The following AKR1B10 variants were observed in gnomAD, a reference collection of about 807,000 sequenced individuals.
AKR1B10 encodes the protein ARP.
Under a neutral mutation model 38.9 loss-of-function variants are expected in AKR1B10, and 39 were observed. The observed-to-expected ratio is 1.00, with a 90% CI of 0.78 to 1.31. The LOEUF (loss-of-function observed/expected upper bound fraction) is 1.31. Among genes scored for constraint, AKR1B10 ranks in the 50% most tolerant of loss-of-function variants. The pLI, the probability that AKR1B10 is intolerant of heterozygous loss-of-function variation, is 0.00. For synonymous variants in AKR1B10, 148 were observed against 141.2 expected (o/e 1.05, Z -0.34); for missense variants, 361 against 382.6 (o/e 0.94, Z 0.47).
chr7:134,541,388 TAAAA>T lies in AKR1B10; in HGVS notation c.*304_*307del, dbSNP rs565285053. 6.5e-6 allele frequency: 2 copies of T among 309,122 alleles called. No individual in the cohort carries two copies. Among genetic ancestry groups the T allele is most frequent in the African/African-American group, 4.5e-5 (2 of 44,360 alleles). 19.1% of individuals were successfully genotyped at this position (309,122 alleles called of 1,614,324 possible). A position where few individuals can be genotyped will look rare whatever the true frequency, so the allele number is the denominator to read the frequency against. On this transcript the variant is annotated 3_prime_UTR_variant, in exon 10 of 10. Transcript: ENST00000359579. The stretch of plus-strand genomic sequence containing the variant: ...CCAACACTGAGGATGTAAAGATCAA[TAAAA>T]AAAATAATAATCATAACCAACATGT...
intron 4 of AKR1B10, 62 bp downstream of exon 4, chr7:134,533,143 G>C (rs78661337): frequency 1.6e-4 from 212 of 1,320,412 alleles, no homozygotes; most frequent in Non-Finnish European, 2.1e-4. Context: ...CATGAGATTC[G>C]CATGGATATG....
intron 5 of AKR1B10, 119 bp downstream of exon 5, chr7:134,536,891 T>C (rs913737903): frequency 6.3e-7 from 1 of 1,576,278 alleles, no homozygotes; most frequent in African/African-American, 1.3e-5. Flanking sequence ...CAGGACACTT[T>C]GGGGAGGTGT....
At chr7:134,529,482 C>T (rs1201348651) in intron 1 of AKR1B10, among the ~76,000 whole-genome samples, 4 of 152,108 alleles carry the variant, frequency 2.6e-5, no homozygotes, top group South Asian at 2.1e-4. Context: ...GTCTTCAACA[C>T]GTGGGGATGA....
At position 134,540,164 on chromosome 7, in the gene AKR1B10, G is replaced by A. The variant is rs1808111469; in HGVS notation, c.909-883G>A. 2.0e-5 allele frequency among the ~76,000 whole-genome samples: 3 copies of A among 152,006 alleles called. No individual in the cohort carries two copies. In the South Asian group the frequency reaches 6.2e-4, roughly 32 times the overall value. On this transcript the variant is annotated intron_variant, in intron 9 of 9. Coordinates refer to ENST00000359579, the MANE Select transcript of AKR1B10 (RefSeq NM_020299.5). ...ACCCGGGAGGTAGAGCTTGCAGTGA[G>A]CTGAGATTGCGCCACTGCACTCCAT...
At position 134,532,988 on chromosome 7, in the gene AKR1B10, C is replaced by T. The variant is rs2117542270; in HGVS notation, c.352-16C>T. 1 of 1,595,718 alleles carries T rather than the reference C, an allele frequency of 6.3e-7. No individual in the cohort carries two copies. The highest frequency in any genetic ancestry group is 8.5e-7 in the Non-Finnish European group (1 of 1,173,086). On this transcript the variant is annotated splice_polypyrimidine_tract_variant and intron_variant, in intron 3 of 9. Coordinates refer to ENST00000359579, the MANE Select transcript of AKR1B10 (RefSeq NM_020299.5). The stretch of plus-strand genomic sequence containing the variant: ...CTGATGCAGATTCCAGTAAACTTTT[C>T]ATTCTGTGTTCACAGTCTGGGGATG...
Position 134,537,984 on chromosome 7 carries a change from TA to T in AKR1B10, c.742-204del, listed in dbSNP as rs34306064. Among the ~76,000 whole-genome samples the T allele has an allele frequency of 9.2e-5, 14 of 151,674 alleles. 1 individual carries two copies. In the South Asian group the frequency reaches 2.9e-3, roughly 32 times the overall value. ...ACCCCCAAGCTACTTTCTTCATTCCTAAAAAAGGAAGATCACAGGGTTGTCT... is the reference window on the plus strand; with the variant it reads ...ACCCCCAAGCTACTTTCTTCATTCCTAAAAAGGAAGATCACAGGGTTGTCT... On this transcript the variant is annotated intron_variant, in intron 7 of 9. Coordinates refer to ENST00000359579, the MANE Select transcript of AKR1B10 (RefSeq NM_020299.5).
Position 134,527,718 on chromosome 7 carries a change from C to T in AKR1B10, c.-194C>T, listed in dbSNP as rs564336522. ...AAAATTAGCTGGGAGTCACGGTGGG[C>T]GCCTGTAATCCCAGCTACTCGGGAG... On this transcript the variant is annotated 5_prime_UTR_variant, in exon 1 of 10. Coordinates refer to ENST00000359579, the MANE Select transcript of AKR1B10 (RefSeq NM_020299.5). 17 of 497,292 alleles carry T rather than the reference C, an allele frequency of 3.4e-5. No individual in the cohort carries two copies. Among genetic ancestry groups the T allele is most frequent in the South Asian group, 1.3e-4 (4 of 29,898 alleles). The allele number at this position is 497,292 out of a possible 1,614,324, so 30.8% of individuals were successfully genotyped here.
intron 8 of AKR1B10, 46 bp downstream of exon 8, chr7:134,538,323 G>C: frequency 6.4e-7 from 1 of 1,557,850 alleles, no homozygotes; most frequent in South Asian, 1.1e-5. Context: ...GTGGAGTGGG[G>C]GACAGGCAGA....
chr7:134,538,486 A>C (rs782881), intron 8 of AKR1B10, among the ~76,000 whole-genome samples: 82,498 of 151,928 alleles, frequency 0.54, 23,331 homozygotes, highest in African/African-American at 0.71. Flanking sequence ...GTGCCTGGTA[A>C]AGCCCTATCA....
chr7:134,539,106 A>G, intron 9 of AKR1B10, 89 bp downstream of exon 9: 1 of 1,505,378 alleles, frequency 6.6e-7, no homozygotes, highest in Non-Finnish European at 9.1e-7. Context: ...GGCTGCTGGG[A>G]CTACTTGTGT....
chr7:134,536,630 G>C lies in AKR1B10; in HGVS notation c.430-20G>C. On this transcript the variant is annotated intron_variant, in intron 4 of 9. Coordinates refer to ENST00000359579, the MANE Select transcript of AKR1B10 (RefSeq NM_020299.5). ...GTAGTCCCTCTAGAGCTGCCCATAAGGTATTCCTTTCTATGATAGGCCATG... is the reference window on the plus strand; with the variant it reads ...GTAGTCCCTCTAGAGCTGCCCATAACGTATTCCTTTCTATGATAGGCCATG... 1 of 1,613,438 alleles carries C rather than the reference G, an allele frequency of 6.2e-7. No homozygotes were observed. Among genetic ancestry groups the C allele is most frequent in the Non-Finnish European group, 8.5e-7 (1 of 1,179,604 alleles).
chr7:134,532,701 A>G (rs1414366563), intron 3 of AKR1B10, among the ~76,000 whole-genome samples: 1 of 152,170 alleles, frequency 6.6e-6, no homozygotes, highest in Admixed American at 6.5e-5. Flanking sequence ...ATTGAAATGA[A>G]AGTTTGCCCT....
chr7:134,527,652 G>T lies in AKR1B10; in HGVS notation c.-260G>T. 6.8e-6 allele frequency: 2 copies of T among 294,572 alleles called. No homozygotes were observed. Among genetic ancestry groups the T allele is most frequent in the South Asian group, 1.2e-4 (2 of 16,858 alleles). 18.2% of individuals were successfully genotyped at this position (294,572 alleles called of 1,614,324 possible). A position where few individuals can be genotyped will look rare whatever the true frequency, so the allele number is the denominator to read the frequency against. On this transcript the variant is annotated 5_prime_UTR_variant, in exon 1 of 10. Transcript: ENST00000359579. ...AGGCCGAGGTGGGCGGATCACCTGA[G>T]CTCAGGAGTTTGAGACCAGCCTGTC...
chr7:134,536,688 C>T lies in AKR1B10; in HGVS notation c.468C>T (p.Ala156=). The stretch of plus-strand genomic sequence containing the variant: ...TGGTGGATGAGGGGCTGGTGAAAGC[C>T]CTTGGGGTCTCCAATTTCAGCCACT... ...EELVDEGLVK[A]LGVSNFSHFQ... Residue 156 remains alanine (A), a synonymous_variant, in exon 5 of 10, where the codon GCC becomes GCT. Coordinates refer to ENST00000359579, the MANE Select transcript of AKR1B10 (RefSeq NM_020299.5). The T allele has an allele frequency of 1.2e-6, 2 of 1,613,866 alleles. No individual in the cohort carries two copies. Among genetic ancestry groups the T allele is most frequent in the South Asian group, 2.2e-5 (2 of 91,074 alleles).
chr7:134,533,722 C>A (rs1807927084), intron 4 of AKR1B10, among the ~76,000 whole-genome samples: 1 of 152,192 alleles, frequency 6.6e-6, no homozygotes, highest in Non-Finnish European at 1.5e-5. Context: ...TGGTGCTTGG[C>A]AGGCAGTGAA....
intron 9 of AKR1B10, among the ~76,000 whole-genome samples, chr7:134,540,406 C>T (rs1808121005): frequency 6.6e-6 from 1 of 151,984 alleles, no homozygotes; most frequent in Non-Finnish European, 1.5e-5. Flanking sequence ...GGGACTCACC[C>T]CCCAAACTAA....
At chr7:134,537,408 C>T (rs1472475142) in intron 6 of AKR1B10, among the ~76,000 whole-genome samples, 172 bp from the exon 7 acceptor site, 1 of 152,160 alleles carries the variant, frequency 6.6e-6, no homozygotes, top group Non-Finnish European at 1.5e-5. Flanking sequence ...CCAGGCTTTG[C>T]AAAATGCTGA....
At position 134,540,007 on chromosome 7, in the gene AKR1B10, C is replaced by T. The variant is rs796630420; in HGVS notation, c.908+990C>T. Among the ~76,000 whole-genome samples the T allele has an allele frequency of 8.6e-5, 13 of 152,032 alleles. 1 individual carries two copies. Among genetic ancestry groups the T allele is most frequent in the African/African-American group, 3.1e-4 (13 of 41,482 alleles). On this transcript the variant is annotated intron_variant, in intron 9 of 9. Coordinates refer to ENST00000359579, the MANE Select transcript of AKR1B10 (RefSeq NM_020299.5). ...CTTTGGGAGGCCAAGGTGGGCTGATCAAGAGGTCAGGAGATCAAGACCATC... is the reference window on the plus strand; with the variant it reads ...CTTTGGGAGGCCAAGGTGGGCTGATTAAGAGGTCAGGAGATCAAGACCATC...
chr7:134,539,053 G>A, intron 9 of AKR1B10, 36 bp downstream of exon 9: 1 of 1,612,240 alleles, frequency 6.2e-7, no homozygotes, highest in South Asian at 1.1e-5. Context: ...GCATTGCCAG[G>A]AGTTTTTCTA....
Sources: gnomAD v4.1 joint callset for allele counts (sites outside exome capture counted in the v4.1 genomes callset) on GRCh38, gnomAD v4.1.1 for gene constraint, MANE v1.5 for transcripts, NCBI Gene and HGNC (gene_info 2026-07-23, HGNC 2026-07-21) for gene names.